The following CATSPERT variants were observed in gnomAD, a reference collection of about 807,000 sequenced individuals.
CATSPERT encodes the protein cation channel sperm-associated targeting subunit tau.
At chr2:201,570,853 T>A in the CATSPERT span, among the ~76,000 whole-genome samples, 3 of 152,204 alleles carry the variant, frequency 2.0e-5, no homozygotes, top group East Asian at 5.8e-4. Flanking sequence ...ATCAGCCAGA[T>A]GCACTACTAC....
the CATSPERT span, among the ~76,000 whole-genome samples, chr2:201,609,955 A>G: frequency 6.6e-6 from 1 of 152,146 alleles, no homozygotes; most frequent in South Asian, 2.1e-4. Flanking sequence ...AAATAAACAA[A>G]CTCAGAAATG....
the CATSPERT span, among the ~76,000 whole-genome samples, chr2:201,506,268 A>G: frequency 2.6e-5 from 4 of 151,082 alleles, no homozygotes; most frequent in Non-Finnish European, 5.9e-5. Context: ...CTCCGTCTCA[A>G]AAACAAACAA....
the CATSPERT span, among the ~76,000 whole-genome samples, chr2:201,513,109 A>G: frequency 2.0e-5 from 3 of 151,500 alleles, no homozygotes; most frequent in East Asian, 5.8e-4. Context: ...AAAGAAAAAT[A>G]AAAAAATAAA....
the CATSPERT span, among the ~76,000 whole-genome samples, chr2:201,541,445 C>T: frequency 6.7e-6 from 1 of 150,122 alleles, no homozygotes; most frequent in Non-Finnish European, 1.5e-5. Flanking sequence ...TCAGCAACTA[C>T]CATCTTGATC....
the CATSPERT span, among the ~76,000 whole-genome samples, chr2:201,573,889 TCA>T: frequency 6.6e-6 from 1 of 152,168 alleles, no homozygotes; most frequent in Non-Finnish European, 1.5e-5. Flanking sequence ...ACTCCCAGCC[TCA>T]GGTGATTCAC....
At chr2:201,487,657 A>G in the CATSPERT span, 34 of 1,613,446 alleles carry the variant, frequency 2.1e-5, no homozygotes, top group Non-Finnish European at 2.8e-5. Flanking sequence ...TATGCATTTC[A>G]TAATCTGATG....
the CATSPERT span, among the ~76,000 whole-genome samples, chr2:201,583,924 C>T: frequency 4.9e-4 from 75 of 152,260 alleles, 1 homozygote; most frequent in African/African-American, 1.7e-3. Context: ...CAAACCTAAA[C>T]AAGGAACAAC....
the CATSPERT span, among the ~76,000 whole-genome samples, chr2:201,616,492 T>C: frequency 2.0e-5 from 3 of 152,188 alleles, no homozygotes; most frequent in Admixed American, 1.3e-4. Context: ...AAAAGGCCTT[T>C]GACAAAATTC....
At chr2:201,511,487 T>C in the CATSPERT span, among the ~76,000 whole-genome samples, 5,548 of 152,152 alleles carry the variant, frequency 0.036, 341 homozygotes, top group African/African-American at 0.13. Flanking sequence ...GCCTGTAAAA[T>C]CCAAGGTCTT....
At chr2:201,612,449 C>T in the CATSPERT span, among the ~76,000 whole-genome samples, 2 of 151,992 alleles carry the variant, frequency 1.3e-5, no homozygotes, top group African/African-American at 4.8e-5. Flanking sequence ...TGGTGGGTGC[C>T]TGTAATCCCA....
the CATSPERT span, among the ~76,000 whole-genome samples, chr2:201,525,168 C>T: frequency 6.6e-6 from 1 of 152,162 alleles, no homozygotes; most frequent in South Asian, 2.1e-4. Flanking sequence ...ACATTCTTCT[C>T]ATGTGCATGT....
chr2:201,602,627 A>G, the CATSPERT span, among the ~76,000 whole-genome samples: 1 of 152,174 alleles, frequency 6.6e-6, no homozygotes, highest in East Asian at 1.9e-4. Context: ...TTTCATTTAT[A>G]TGGTGATTGA....
chr2:201,546,668 T>C, the CATSPERT span, among the ~76,000 whole-genome samples: 21 of 152,286 alleles, frequency 1.4e-4, no homozygotes, highest in Non-Finnish European at 2.6e-4. Flanking sequence ...CTTTCATACA[T>C]TGCTGGTTGG....
At chr2:201,558,837 C>T in the CATSPERT span, among the ~76,000 whole-genome samples, 1 of 152,142 alleles carries the variant, frequency 6.6e-6, no homozygotes, top group Non-Finnish European at 1.5e-5. Context: ...AGCACTGGAG[C>T]GCCATCTTCA....
At chr2:201,590,067 G>C in the CATSPERT span, among the ~76,000 whole-genome samples, 1 of 151,888 alleles carries the variant, frequency 6.6e-6, no homozygotes, top group Non-Finnish European at 1.5e-5. Flanking sequence ...CATGTGCCAT[G>C]CTGGTGCACT....
chr2:201,524,125 C>T, the CATSPERT span, among the ~76,000 whole-genome samples: 2 of 151,928 alleles, frequency 1.3e-5, no homozygotes, highest in African/African-American at 4.8e-5. Context: ...TAGTTATCCC[C>T]ATCACCAAGA....
the CATSPERT span, among the ~76,000 whole-genome samples, chr2:201,505,789 T>C: frequency 2.0e-5 from 3 of 152,164 alleles, no homozygotes; most frequent in Non-Finnish European, 4.4e-5. Context: ...ATTTAGGTAA[T>C]AGTAACGTAC....
At chr2:201,615,912 G>A in the CATSPERT span, among the ~76,000 whole-genome samples, 8 of 152,216 alleles carry the variant, frequency 5.3e-5, no homozygotes, top group Non-Finnish European at 1.2e-4. Flanking sequence ...ACTACCATCA[G>A]AGAATACTAT....
the CATSPERT span, chr2:201,493,538 T>C: frequency 9.1e-6 from 14 of 1,536,984 alleles, no homozygotes; most frequent in Admixed American, 2.0e-5. Flanking sequence ...AGTGTATCTA[T>C]AGGAAATGCT....
Sources: gnomAD v4.1 joint callset for allele counts (sites outside exome capture counted in the v4.1 genomes callset) on GRCh38, gnomAD v4.1.1 for gene constraint, MANE v1.5 for transcripts, NCBI Gene and HGNC (gene_info 2026-07-23, HGNC 2026-07-21) for gene names.